TWSG1: variants seen among roughly 807,000 people sequenced by gnomAD.
TWSG1 encodes twisted gastrulation protein homolog 1.
In TWSG1, 15 loss-of-function variants were observed where a neutral mutation model predicts 23.0. The observed-to-expected ratio is 0.65, with a 90% CI of 0.44 to 1.00. The LOEUF (loss-of-function observed/expected upper bound fraction) is 1.00. Among genes scored for constraint, TWSG1 ranks in the 50% least tolerant of loss-of-function variants. TWSG1 has a pLI of 0.00. For missense variants in TWSG1, 242 were observed against 278.7 expected (o/e 0.87, Z 0.94); for synonymous variants, 86 against 92.8 (o/e 0.93, Z 0.42).
chr18:9,389,672 GT>G (rs1171062622), intron 3 of TWSG1, among the ~76,000 whole-genome samples: 11 of 152,086 alleles, frequency 7.2e-5, no homozygotes, highest in African/African-American at 2.7e-4. Flanking sequence ...GAAATAGATG[GT>G]TTTTTTCTCC....
At chr18:9,374,238 G>T (rs78048962) in intron 3 of TWSG1, among the ~76,000 whole-genome samples, 7 of 151,832 alleles carry the variant, frequency 4.6e-5, no homozygotes, top group Admixed American at 1.3e-4. Context: ...AATAATCAAC[G>T]AAATCAAAAG....
intron 2 of TWSG1, among the ~76,000 whole-genome samples, chr18:9,347,157 T>C (rs370097820): frequency 1.4e-4 from 21 of 152,196 alleles, no homozygotes; most frequent in East Asian, 7.7e-4. Context: ...CTCTGGCCCA[T>C]TTTTTAATTG....
intron 4 of TWSG1, 197 bp downstream of exon 4, chr18:9,396,743 A>AC: frequency 1.5e-6 from 1 of 678,444 alleles, no homozygotes. Flanking sequence ...GAGAAAAAAA[A>AC]TATCTCCAAT....
chr18:9,348,749 A>G (rs1191216663), intron 2 of TWSG1, among the ~76,000 whole-genome samples: 2 of 152,234 alleles, frequency 1.3e-5, no homozygotes, highest in African/African-American at 2.4e-5. Context: ...GCAATGCTAT[A>G]AAAGTTTATA....
intron 3 of TWSG1, among the ~76,000 whole-genome samples, chr18:9,389,428 A>C (rs140657986): frequency 1.7e-3 from 257 of 152,354 alleles, no homozygotes; most frequent in African/African-American, 6.0e-3. Flanking sequence ...TCAGGAGGCT[A>C]CATCATGATC....
intron 2 of TWSG1, among the ~76,000 whole-genome samples, chr18:9,345,355 A>T (rs1172889801): frequency 6.6e-6 from 1 of 152,156 alleles, no homozygotes; most frequent in Non-Finnish European, 1.5e-5. Context: ...TCCTCTAAGA[A>T]TTTTAGAGTT....
intron 2 of TWSG1, among the ~76,000 whole-genome samples, chr18:9,339,802 C>G (rs975559710): frequency 7.4e-6 from 1 of 135,326 alleles, no homozygotes; most frequent in African/African-American, 2.7e-5. Flanking sequence ...GACTCTGTCT[C>G]AAAAAAAAAA....
chr18:9,400,603 A>G lies in TWSG1; in HGVS notation c.*1076A>G, dbSNP rs2040758727. On this transcript the variant is annotated 3_prime_UTR_variant, in exon 5 of 5. Coordinates refer to ENST00000262120, the MANE Select transcript of TWSG1 (RefSeq NM_020648.6). The stretch of plus-strand genomic sequence containing the variant: ...ATGGGAAACAAAACTATCTATGTTC[A>G]TATTTTGTAATATTTCATTTGTTAA... 6.6e-6 allele frequency: 1 copy of G among 152,214 alleles called. No homozygotes were observed. The highest frequency in any genetic ancestry group is 2.4e-5 in the African/African-American group (1 of 41,452). 9.4% of individuals were successfully genotyped at this position (152,214 alleles called of 1,614,324 possible). A position where few individuals can be genotyped will look rare whatever the true frequency, so the allele number is the denominator to read the frequency against.
chr18:9,379,129 C>T (rs1049004222), intron 3 of TWSG1, among the ~76,000 whole-genome samples: 1 of 152,126 alleles, frequency 6.6e-6, no homozygotes, highest in Non-Finnish European at 1.5e-5. Context: ...CCTCAAAGAA[C>T]TAAAAATAGA....
At chr18:9,391,545 G>C (rs936631383) in intron 3 of TWSG1, among the ~76,000 whole-genome samples, 3 of 152,160 alleles carry the variant, frequency 2.0e-5, no homozygotes, top group African/African-American at 7.2e-5. Context: ...AACCACAACA[G>C]TTATCAATTG....
chr18:9,353,145 G>C (rs2040509628), intron 2 of TWSG1, among the ~76,000 whole-genome samples: 1 of 152,254 alleles, frequency 6.6e-6, no homozygotes, highest in South Asian at 2.1e-4. Flanking sequence ...ATAGCCTAGG[G>C]TTATAGCAGG....
chr18:9,354,978 C>CA (rs906301342), intron 2 of TWSG1, among the ~76,000 whole-genome samples: 79 of 150,758 alleles, frequency 5.2e-4, no homozygotes, highest in African/African-American at 1.9e-3. Flanking sequence ...TTTTTTGAGA[C>CA]AGAGTCTCGC....
At chr18:9,353,163 A>G (rs571361496) in intron 2 of TWSG1, among the ~76,000 whole-genome samples, 3 of 152,270 alleles carry the variant, frequency 2.0e-5, no homozygotes, top group African/African-American at 7.2e-5. Flanking sequence ...AGGCTCTACC[A>G]TGTAGGTTTG....
intron 4 of TWSG1, 160 bp downstream of exon 4, chr18:9,396,706 A>G: frequency 1.2e-6 from 1 of 856,512 alleles, no homozygotes; most frequent in Non-Finnish European, 1.7e-6. Flanking sequence ...ATCCCATCAT[A>G]TCTAGAGGCA....
intron 4 of TWSG1, among the ~76,000 whole-genome samples, chr18:9,397,717 C>T (rs979747647): frequency 6.6e-6 from 1 of 152,078 alleles, no homozygotes; most frequent in Non-Finnish European, 1.5e-5. Flanking sequence ...CTATATAAAA[C>T]AGTGCGGGCT....
rs548827452 is a variant in TWSG1 at position 9,402,254 on chromosome 18, C to A, written c.*2727C>A. The A allele has an allele frequency of 6.6e-6, 1 of 152,166 alleles. No individual in the cohort carries two copies. The highest frequency in any genetic ancestry group is 2.1e-4 in the South Asian group (1 of 4,820). The allele number at this position is 152,166 out of a possible 1,614,324, so 9.4% of individuals were successfully genotyped here. On this transcript the variant is annotated 3_prime_UTR_variant, in exon 5 of 5. Coordinates refer to ENST00000262120, the MANE Select transcript of TWSG1 (RefSeq NM_020648.6). ...AATGCAGTAAATATAAGCCACATTTCTAAAGTTTATTTTTATGAAAGCTTC... is the reference window on the plus strand; with the variant it reads ...AATGCAGTAAATATAAGCCACATTTATAAAGTTTATTTTTATGAAAGCTTC...
At chr18:9,397,777 G>A (rs933062289) in intron 4 of TWSG1, among the ~76,000 whole-genome samples, 5 of 152,052 alleles carry the variant, frequency 3.3e-5, no homozygotes, top group African/African-American at 1.2e-4. Context: ...AGGCTGAGGC[G>A]GGCACATCAC....
chr18:9,396,183 C>A, intron 3 of TWSG1, 97 bp from the exon 4 acceptor site: 31 of 805,254 alleles, frequency 3.8e-5, no homozygotes, highest in Non-Finnish European at 4.9e-5. Flanking sequence ...AGGAAAATAT[C>A]CATGTGTAAT....
chr18:9,336,104 A>C (rs887016350), intron 1 of TWSG1, among the ~76,000 whole-genome samples: 1 of 152,154 alleles, frequency 6.6e-6, no homozygotes, highest in Non-Finnish European at 1.5e-5. Context: ...AATTAAAAGA[A>C]TATCTTGGCC....
Sources: gnomAD v4.1 joint callset for allele counts (sites outside exome capture counted in the v4.1 genomes callset) on GRCh38, gnomAD v4.1.1 for gene constraint, MANE v1.5 for transcripts, NCBI Gene and HGNC (gene_info 2026-07-23, HGNC 2026-07-21) for gene names.